The following CAP1 variants were observed in gnomAD, a reference collection of about 807,000 sequenced individuals.
The protein encoded by CAP1 is cyclase associated actin cytoskeleton regulatory protein 1.
CAP1 carries 11 observed loss-of-function variants against 58.2 expected under a neutral mutation model. That is an observed-to-expected ratio of 0.19 (90% CI 0.12 to 0.31). The LOEUF is 0.31. Among genes scored for constraint, CAP1 ranks in the 10% least tolerant of loss-of-function variants. The pLI is 1.00. For synonymous variants in CAP1, 183 were observed against 213.8 expected (o/e 0.86, Z 1.26); for missense variants, 423 against 587.5 (o/e 0.72, Z 2.89).
chr1:40,045,118 T>G (rs1045686645), intron 1 of CAP1, among the ~76,000 whole-genome samples: 1 of 152,080 alleles, frequency 6.6e-6, no homozygotes, highest in African/African-American at 2.4e-5. Flanking sequence ...TCCTGTGCAC[T>G]GTGGGATGTT....
At chr1:40,059,640 G>A (rs116138850) in intron 2 of CAP1, among the ~76,000 whole-genome samples, 182 bp downstream of exon 2, 2 of 151,920 alleles carry the variant, frequency 1.3e-5, no homozygotes, top group African/African-American at 4.8e-5. Flanking sequence ...CTGTGGTTAA[G>A]TTATTTTAAC....
intron 4 of CAP1, among the ~76,000 whole-genome samples, chr1:40,062,960 G>A (rs567454008): frequency 1.3e-5 from 2 of 152,074 alleles, no homozygotes; most frequent in Admixed American, 1.3e-4. Context: ...CTACTTGAAT[G>A]CTAAGCCCCT....
At chr1:40,050,792 G>T (rs1054012430) in intron 1 of CAP1, among the ~76,000 whole-genome samples, 1 of 152,112 alleles carries the variant, frequency 6.6e-6, no homozygotes, top group Non-Finnish European at 1.5e-5. Context: ...CTGTTTATCA[G>T]ACAGTACTTG....
chr1:40,045,616 C>T (rs533599724), intron 1 of CAP1, among the ~76,000 whole-genome samples: 6 of 152,140 alleles, frequency 3.9e-5, no homozygotes, highest in East Asian at 1.9e-4. Flanking sequence ...AGTGCAGTGG[C>T]GTGATCTTGG....
At chr1:40,045,370 C>T (rs1269693430) in intron 1 of CAP1, among the ~76,000 whole-genome samples, 1 of 152,096 alleles carries the variant, frequency 6.6e-6, no homozygotes, top group Non-Finnish European at 1.5e-5. Flanking sequence ...CAGTATCCTA[C>T]AATGAATGAA....
At chr1:40,070,312 C>T in intron 10 of CAP1, 30 bp downstream of exon 10, 1 of 1,613,690 alleles carries the variant, frequency 6.2e-7, no homozygotes, top group Non-Finnish European at 8.5e-7. Context: ...CCACGCAAGC[C>T]CCGTCCCAGA....
intron 1 of CAP1, among the ~76,000 whole-genome samples, chr1:40,054,619 C>G (rs1410737944): frequency 6.6e-6 from 1 of 151,994 alleles, no homozygotes; most frequent in Non-Finnish European, 1.5e-5. Context: ...ACTCTGAAGG[C>G]TATTAAATAA....
chr1:40,043,907 G>A (rs1049022132), intron 1 of CAP1, among the ~76,000 whole-genome samples: 3 of 151,878 alleles, frequency 2.0e-5, no homozygotes, highest in South Asian at 2.1e-4. Context: ...GAAATTTCTC[G>A]CTTTTTCCAG....
intron 1 of CAP1, among the ~76,000 whole-genome samples, chr1:40,050,549 C>G (rs1201925789): frequency 2.0e-5 from 3 of 151,776 alleles, no homozygotes; most frequent in Admixed American, 6.6e-5. Context: ...GTTCCAGCTA[C>G]TCGGGAGGCT....
chr1:40,054,793 A>C (rs1358601356), intron 1 of CAP1, among the ~76,000 whole-genome samples: 2 of 152,162 alleles, frequency 1.3e-5, no homozygotes, highest in Admixed American at 6.6e-5. Flanking sequence ...AGCATGCGCC[A>C]CCATGCCCAG....
At chr1:40,053,065 A>G (rs954812798) in intron 1 of CAP1, among the ~76,000 whole-genome samples, 1 of 152,176 alleles carries the variant, frequency 6.6e-6, no homozygotes, top group African/African-American at 2.4e-5. Flanking sequence ...TCTACTAAAA[A>G]TACAAAAAAT....
intron 1 of CAP1, among the ~76,000 whole-genome samples, chr1:40,051,081 C>A (rs1466666008): frequency 6.6e-6 from 1 of 152,152 alleles, no homozygotes; most frequent in Non-Finnish European, 1.5e-5. Context: ...TGCCTCACTT[C>A]CCTCCTGAAA....
rs1648226265 is a variant in CAP1, at chr1:40,072,367, C to T, written c.*834C>T. The T allele has an allele frequency of 6.5e-6, 2 of 306,596 alleles. No individual in the cohort carries two copies. The highest frequency in any genetic ancestry group is 1.2e-5 in the Non-Finnish European group (2 of 168,494). The allele number at this position is 306,596 out of a possible 1,614,324, so 19.0% of individuals were successfully genotyped here. A position where few individuals can be genotyped will look rare whatever the true frequency, so the allele number is the denominator to read the frequency against. On this transcript the variant is annotated 3_prime_UTR_variant, in exon 13 of 13. Coordinates refer to ENST00000372805, the MANE Select transcript of CAP1 (RefSeq NM_006367.4). ...ACTGCCTCCTTTTCCCTGTCATGCTCATCAGCTTATGGCTTCTGTCTAAGC... is the reference window on the plus strand; with the variant it reads ...ACTGCCTCCTTTTCCCTGTCATGCTTATCAGCTTATGGCTTCTGTCTAAGC...
intron 12 of CAP1, among the ~76,000 whole-genome samples, 185 bp downstream of exon 12, chr1:40,071,164 C>A (rs1386442948): frequency 1.3e-5 from 2 of 152,102 alleles, no homozygotes; most frequent in African/African-American, 4.8e-5. Context: ...TGCTTTCTGC[C>A]TAAGTGGAGC....
intron 1 of CAP1, among the ~76,000 whole-genome samples, chr1:40,048,862 A>G (rs1192956815): frequency 6.6e-6 from 1 of 152,218 alleles, no homozygotes; most frequent in Non-Finnish European, 1.5e-5. Flanking sequence ...AGCATTTTGA[A>G]GCAAATCAAT....
chr1:40,069,531 G>C (rs915415887), intron 8 of CAP1, 159 bp from the exon 9 acceptor site: 152 of 654,474 alleles, frequency 2.3e-4, no homozygotes, highest in Non-Finnish European at 2.5e-5. Flanking sequence ...TTGGGGAGAA[G>C]AGAAATGATA....
upstream of CAP1, chr1:40,040,539 G>A (rs1469524691): frequency 6.6e-6 from 1 of 152,522 alleles, no homozygotes; most frequent in Non-Finnish European, 1.5e-5. Flanking sequence ...CGCCTTGAGG[G>A]CGGGGCTCTT....
At chr1:40,071,122 G>A (rs1647886506) in intron 12 of CAP1, 143 bp downstream of exon 12, 1 of 789,296 alleles carries the variant, frequency 1.3e-6, no homozygotes, top group African/African-American at 1.7e-5. Flanking sequence ...CAGAAATGAG[G>A]TAGTCCCATG....
intron 1 of CAP1, among the ~76,000 whole-genome samples, chr1:40,049,989 G>A (rs1646282082): frequency 6.6e-6 from 1 of 152,168 alleles, no homozygotes; most frequent in African/African-American, 2.4e-5. Flanking sequence ...AAGTTGCAGG[G>A]AGGCAGATTT....
Sources: gnomAD v4.1 joint callset for allele counts (sites outside exome capture counted in the v4.1 genomes callset) on GRCh38, gnomAD v4.1.1 for gene constraint, MANE v1.5 for transcripts, NCBI Gene and HGNC (gene_info 2026-07-23, HGNC 2026-07-21) for gene names.